UBE2E3: variants seen among roughly 807,000 people sequenced by gnomAD.
The protein encoded by UBE2E3 is ubiquitin conjugating enzyme E2 E3.
In UBE2E3, 5 loss-of-function variants were observed where a neutral mutation model predicts 23.6. The observed-to-expected ratio is 0.21, with a 90% CI of 0.11 to 0.44. The LOEUF (loss-of-function observed/expected upper bound fraction) is 0.44. Ranked by LOEUF, UBE2E3 falls within the 20% of genes least tolerant of loss-of-function variation. The probability of loss-of-function intolerance (pLI) is 0.99; values close to 1 mark genes in which losing one functional copy is unlikely to be tolerated. For synonymous variants in UBE2E3, 78 were observed against 87.5 expected (o/e 0.89, Z 0.60); for missense variants, 81 against 249.8 (o/e 0.32, Z 4.55).
chr2:181,012,996 A>AT (rs1309633333), intron 3 of UBE2E3, among the ~76,000 whole-genome samples: 8 of 151,966 alleles, frequency 5.3e-5, no homozygotes, highest in African/African-American at 1.2e-4. Context: ...ATGCACATTA[A>AT]TTTTTTTATT....
chr2:180,991,125 A>C (rs1684641109), intron 3 of UBE2E3, among the ~76,000 whole-genome samples: 1 of 150,662 alleles, frequency 6.6e-6, no homozygotes. Flanking sequence ...ATTATTTTGT[A>C]ACAACCTTAT....
At chr2:181,024,615 T>C (rs1685819635) in intron 3 of UBE2E3, among the ~76,000 whole-genome samples, 1 of 152,116 alleles carries the variant, frequency 6.6e-6, no homozygotes, top group Admixed American at 6.6e-5. Context: ...ATGAATCTGT[T>C]ACAGTAATCT....
chr2:180,998,125 T>C (rs767329562), intron 3 of UBE2E3, among the ~76,000 whole-genome samples: 21 of 152,202 alleles, frequency 1.4e-4, no homozygotes, highest in Non-Finnish European at 2.9e-4. Context: ...ACAGCAACTG[T>C]GCTTGACCGT....
chr2:181,048,070 C>T (rs959790378), intron 3 of UBE2E3, among the ~76,000 whole-genome samples: 3 of 152,052 alleles, frequency 2.0e-5, no homozygotes, highest in African/African-American at 4.8e-5. Flanking sequence ...CTTTCCCAGC[C>T]CTTTCCTTTC....
chr2:181,020,471 A>G (rs762089645), intron 3 of UBE2E3, among the ~76,000 whole-genome samples: 6 of 152,206 alleles, frequency 3.9e-5, no homozygotes, highest in Non-Finnish European at 7.4e-5. Context: ...TAGAACTTCA[A>G]CATTATCTTT....
chr2:181,028,638 TC>T (rs146896360), intron 3 of UBE2E3, among the ~76,000 whole-genome samples: 23,122 of 152,106 alleles, frequency 0.15, 2,329 homozygotes, highest in East Asian at 0.29. Context: ...AATTTGCATT[TC>T]CTAATAATGA....
intron 3 of UBE2E3, among the ~76,000 whole-genome samples, chr2:181,002,230 G>A (rs192650367): frequency 9.8e-5 from 15 of 152,286 alleles, no homozygotes; most frequent in Admixed American, 9.8e-4. Context: ...CTTGTTGGCT[G>A]CATAAGAGTA....
At chr2:180,992,473 A>G (rs1447021464) in intron 3 of UBE2E3, among the ~76,000 whole-genome samples, 1 of 152,188 alleles carries the variant, frequency 6.6e-6, no homozygotes, top group Non-Finnish European at 1.5e-5. Context: ...CTCAATGTAT[A>G]AAGATTTATT....
intron 3 of UBE2E3, among the ~76,000 whole-genome samples, chr2:181,037,303 TAA>T (rs1304391092): frequency 3.3e-5 from 5 of 152,214 alleles, no homozygotes; most frequent in African/African-American, 1.2e-4. Flanking sequence ...CTTATTTTTT[TAA>T]AGTTAACTCT....
At chr2:180,995,963 T>G (rs920076368) in intron 3 of UBE2E3, among the ~76,000 whole-genome samples, 2 of 152,168 alleles carry the variant, frequency 1.3e-5, no homozygotes, top group Non-Finnish European at 2.9e-5. Flanking sequence ...TTAATTTTTT[T>G]GTCTTACCAG....
chr2:181,062,153 G>T (rs1423259811), intron 5 of UBE2E3, among the ~76,000 whole-genome samples: 1 of 151,586 alleles, frequency 6.6e-6, no homozygotes, highest in Non-Finnish European at 1.5e-5. Flanking sequence ...CTTCTGAGCA[G>T]TTGGAGTCAG....
intron 3 of UBE2E3, among the ~76,000 whole-genome samples, chr2:180,991,892 A>C (rs1684669719): frequency 6.6e-6 from 1 of 152,160 alleles, no homozygotes; most frequent in African/African-American, 2.4e-5. Context: ...AAACTTAAGA[A>C]TTATTTCTGG....
intron 3 of UBE2E3, among the ~76,000 whole-genome samples, chr2:181,002,191 C>G (rs1559117222): frequency 2.0e-5 from 3 of 151,938 alleles, no homozygotes. Context: ...TAATGGATTT[C>G]TTTTTTTACT....
chr2:181,011,093 T>C lies in UBE2E3; in HGVS notation c.245+27000T>C, dbSNP rs546586984. Among the ~76,000 whole-genome samples, 62 of 152,200 alleles carry C rather than the reference T, an allele frequency of 4.1e-4. No homozygotes were observed. The South Asian group carries it at 0.013, about 31-fold the overall frequency. ...GAGCACAGGGTCTTGACTTTTTTTT[T>C]TTTAATTAGTTAGAGCCAGAACAAC... On this transcript the variant is annotated intron_variant, in intron 3 of 5. Coordinates refer to ENST00000410062, the MANE Select transcript of UBE2E3 (RefSeq NM_006357.4).
chr2:181,025,025 A>G (rs545555738), intron 3 of UBE2E3, among the ~76,000 whole-genome samples: 1 of 152,178 alleles, frequency 6.6e-6, no homozygotes, highest in East Asian at 1.9e-4. Flanking sequence ...AAAGGTTTTT[A>G]GAATTCACTA....
chr2:181,016,403 A>G (rs1170222938), intron 3 of UBE2E3, among the ~76,000 whole-genome samples: 1 of 152,138 alleles, frequency 6.6e-6, no homozygotes, highest in East Asian at 1.9e-4. Flanking sequence ...CTTTATCAAT[A>G]AAAATGACAG....
chr2:180,986,583 T>G (rs925364181), intron 3 of UBE2E3, among the ~76,000 whole-genome samples: 6 of 152,164 alleles, frequency 3.9e-5, no homozygotes, highest in African/African-American at 1.4e-4. Context: ...GATTGTACAG[T>G]TTAAATTTAT....
chr2:181,041,384 A>G (rs73039027), intron 3 of UBE2E3, among the ~76,000 whole-genome samples: 5,716 of 152,032 alleles, frequency 0.038, 306 homozygotes, highest in East Asian at 0.19. Flanking sequence ...ATGTCAGTAT[A>G]GATCTATTTT....
chr2:181,041,953 T>C (rs1192173121), intron 3 of UBE2E3, among the ~76,000 whole-genome samples: 1 of 152,202 alleles, frequency 6.6e-6, no homozygotes, highest in African/African-American at 2.4e-5. Flanking sequence ...ATTATTGTGA[T>C]ATACCTACCC....
Sources: allele counts gnomAD v4.1 joint callset (sites outside exome capture counted in the v4.1 genomes callset), GRCh38; gene constraint gnomAD v4.1.1; transcripts MANE v1.5; gene names NCBI Gene and HGNC (gene_info 2026-07-23, HGNC 2026-07-21).